The following DNAH8 variants were observed in gnomAD, a reference collection of about 807,000 sequenced individuals.
The protein encoded by DNAH8 is axonemal beta dynein heavy chain 8.
Under a neutral mutation model 562.1 loss-of-function variants are expected in DNAH8, and 382 were observed. The observed-to-expected ratio is 0.68, with a 90% CI of 0.63 to 0.74. The LOEUF (loss-of-function observed/expected upper bound fraction) is 0.74, where lower values mean the gene tolerates loss of function less well. DNAH8 is among the 30% of genes least tolerant of loss of function. The probability of loss-of-function intolerance (pLI) is 0.00; values close to 1 mark genes in which losing one functional copy is unlikely to be tolerated. For synonymous variants in DNAH8, 1,881 were observed against 1,919.4 expected, an observed-to-expected ratio of 0.98 and a Z score of 0.52; for missense variants, 5,203 against 5,620.4, an observed-to-expected ratio of 0.93 and a Z score of 2.37.
intron 37 of DNAH8, among the ~76,000 whole-genome samples, chr6:38,849,659 T>C (rs990534812): frequency 1.3e-4 from 20 of 152,140 alleles, no homozygotes; most frequent in Non-Finnish European, 1.9e-4. Context: ...TTTTTGTTTT[T>C]TAATCAGAAG....
At position 38,986,458 on chromosome 6, in the gene DNAH8, A is replaced by G. The variant is rs903662169; in HGVS notation, c.13053+2151A>G. Reference sequence around the variant, plus strand: ...GATGCCCTCAGAGGGAAAAGGAGACAGTGAATGGATATCAGGGCAGAATGG... The same window carrying G: ...GATGCCCTCAGAGGGAAAAGGAGACGGTGAATGGATATCAGGGCAGAATGG... On this transcript the variant is annotated intron_variant, in intron 87 of 92. Transcript: ENST00000327475. Among the ~76,000 whole-genome samples the G allele has an allele frequency of 5.3e-5, 8 of 152,214 alleles. No individual in the cohort carries two copies. The East Asian group carries it at 1.3e-3, about 26-fold the overall frequency.
chr6:38,859,589 A>T (rs2150405009), intron 42 of DNAH8, among the ~76,000 whole-genome samples: 1 of 152,314 alleles, frequency 6.6e-6, no homozygotes, highest in East Asian at 1.9e-4. Context: ...CTGAATGGGC[A>T]GGACTGGTGT....
At chr6:38,759,994 A>G (rs76574788) in intron 10 of DNAH8, among the ~76,000 whole-genome samples, 4,605 of 152,302 alleles carry the variant, frequency 0.03, 222 homozygotes, top group African/African-American at 0.099. Context: ...TTGCTTTGCA[A>G]GTATCACTGA....
intron 17 of DNAH8, among the ~76,000 whole-genome samples, chr6:38,785,937 G>A (rs1769117506): frequency 6.6e-6 from 1 of 152,212 alleles, no homozygotes; most frequent in South Asian, 2.1e-4. Context: ...GAAGTTTGAT[G>A]TGGCCACATT....
Position 38,780,010 on chromosome 6 carries a change from A to G in DNAH8, c.2084A>G (p.His695Arg), listed in dbSNP as rs766599968. 1.9e-6 allele frequency: 3 copies of G among 1,614,100 alleles called. No homozygotes were observed. The highest frequency in any genetic ancestry group is 2.5e-6 in the Non-Finnish European group (3 of 1,179,988). Residue 695 changes from histidine to arginine, a missense_variant, in exon 15 of 93, where the codon CAC (histidine) becomes CGC (arginine). Transcript: ENST00000327475. ...NIPCLGLEIN[H>R]TIERILQYYV... The stretch of plus-strand genomic sequence containing the variant: ...CCCTGTCTGGGATTAGAAATAAACC[A>G]CACAATAGAGCGTATTCTTCAGTAC...
At chr6:38,947,463 C>T (rs1286645634) in intron 80 of DNAH8, among the ~76,000 whole-genome samples, 1 of 152,236 alleles carries the variant, frequency 6.6e-6, no homozygotes, top group Non-Finnish European at 1.5e-5. Flanking sequence ...TGGAAGTCAT[C>T]TTATCACCTA....
chr6:38,851,495 A>T, intron 38 of DNAH8, 77 bp from the exon 39 acceptor site: 1 of 815,070 alleles, frequency 1.2e-6, no homozygotes, highest in East Asian at 2.6e-5. Flanking sequence ...GATGTTAGTG[A>T]TTATGTCTTG....
At chr6:38,789,972 C>G (rs765186097) in intron 19 of DNAH8, 89 bp downstream of exon 19, 1 of 906,624 alleles carries the variant, frequency 1.1e-6, no homozygotes, top group Non-Finnish European at 1.7e-6. Flanking sequence ...AACATCTATT[C>G]TTCTTTAGAC....
Position 38,951,497 on chromosome 6 carries a change from C to A in DNAH8, c.12428C>A (p.Ala4143Glu), listed in dbSNP as rs1554143678. ...MGSDPTNQIDALAKKLKLECR... is the reference protein window; with the variant it reads ...MGSDPTNQIDELAKKLKLECR... ...TCTGACCCCACCAATCAAATTGATG[C>A]ATTGGCCAAGAAACTGAAACTGGGT... Residue 4143 changes from alanine to glutamate, a missense_variant, in exon 82 of 93, where the codon GCA becomes GAA. Coordinates refer to ENST00000327475, the MANE Select transcript of DNAH8 (RefSeq NM_001206927.2). The A allele has an allele frequency of 3.1e-6, 5 of 1,613,956 alleles. No homozygotes were observed. Among genetic ancestry groups the A allele is most frequent in the Non-Finnish European group, 2.5e-6 (3 of 1,179,910 alleles).
Position 38,794,491 on chromosome 6 carries a change from T to A in DNAH8, c.2901+2817T>A, listed in dbSNP as rs1770049608. Reference sequence around the variant, plus strand: ...CATATGATACACCCTTGTAACTGTCTCCATGATCAAGATATGGAACACTTT... The same window carrying A: ...CATATGATACACCCTTGTAACTGTCACCATGATCAAGATATGGAACACTTT... On this transcript the variant is annotated intron_variant, in intron 21 of 92. Coordinates refer to ENST00000327475, the MANE Select transcript of DNAH8 (RefSeq NM_001206927.2). Among the ~76,000 whole-genome samples, 11 of 152,192 alleles carry A rather than the reference T, an allele frequency of 7.2e-5. No homozygotes were observed. In the South Asian group the frequency reaches 2.3e-3, roughly 32 times the overall value.
intron 9 of DNAH8, among the ~76,000 whole-genome samples, chr6:38,750,936 C>A (rs1252409678): frequency 6.6e-6 from 1 of 151,980 alleles, no homozygotes; most frequent in East Asian, 1.9e-4. Context: ...TATTTTAACC[C>A]ATATTTAAAT....
intron 62 of DNAH8, among the ~76,000 whole-genome samples, chr6:38,905,131 CCA>C (rs1205311623): frequency 5.3e-5 from 8 of 152,278 alleles, no homozygotes; most frequent in African/African-American, 1.7e-4. Context: ...CAGCATCAGG[CCA>C]CTAGATCTTT....
At chr6:38,871,410 A>G (rs1036684005) in intron 49 of DNAH8, among the ~76,000 whole-genome samples, 1 of 152,228 alleles carries the variant, frequency 6.6e-6, no homozygotes, top group Non-Finnish European at 1.5e-5. Context: ...TATGATATGC[A>G]TACAGTATAC....
Position 38,851,572 on chromosome 6 carries a change from G to A in DNAH8, c.5364G>A (p.Gly1788=), listed in dbSNP as rs1775747776. The change falls in exon 39 of 93, where the codon GGG becomes GGA. Residue 1788 remains glycine, a splice_region_variant and synonymous_variant. Coordinates refer to ENST00000327475, the MANE Select transcript of DNAH8 (RefSeq NM_001206927.2). ...QLEVCQKSLT[G]YLEKKRLLFP... is the part of the protein sequence containing the mutation. ...AACATACTGTCGACTTTATTTGAAG[G>A]TATTTGGAGAAGAAACGATTACTGT... 6.3e-7 allele frequency: 1 copy of A among 1,590,932 alleles called. No homozygotes were observed. Among genetic ancestry groups the A allele is most frequent in the African/African-American group, 1.4e-5 (1 of 73,872 alleles).
chr6:38,979,239 TG>T (rs931211367), intron 85 of DNAH8, among the ~76,000 whole-genome samples: 5 of 152,262 alleles, frequency 3.3e-5, no homozygotes, highest in Admixed American at 3.3e-4. Flanking sequence ...TGTGAAATTT[TG>T]ACAGTTAATT....
intron 1 of DNAH8, among the ~76,000 whole-genome samples, chr6:38,721,513 A>AAGAG (rs58302350): frequency 2.6e-3 from 377 of 147,412 alleles, no homozygotes; most frequent in African/African-American, 8.9e-3. Context: ...ACAAAAGAGA[A>AAGAG]AGAGAGAGAG....
At chr6:38,731,754 A>G (rs2127575307) in intron 4 of DNAH8, among the ~76,000 whole-genome samples, 1 of 152,266 alleles carries the variant, frequency 6.6e-6, no homozygotes, top group South Asian at 2.1e-4. Flanking sequence ...TCACTCTGTC[A>G]CCCAGGCTGG....
intron 27 of DNAH8, among the ~76,000 whole-genome samples, chr6:38,823,344 C>A (rs112488114): frequency 2.0e-5 from 3 of 152,132 alleles, no homozygotes; most frequent in Admixed American, 2.0e-4. Context: ...AGCTGTATTT[C>A]GGTTAGAGAC....
chr6:38,875,487 A>G (rs1024837967), intron 52 of DNAH8, 104 bp from the exon 53 acceptor site: 1 of 704,888 alleles, frequency 1.4e-6, no homozygotes, highest in Non-Finnish European at 2.2e-6. Flanking sequence ...AGATATATCT[A>G]TTTTTCTTCT....
Sources: gnomAD v4.1 joint callset for allele counts (sites outside exome capture counted in the v4.1 genomes callset) on GRCh38, gnomAD v4.1.1 for gene constraint, MANE v1.5 for transcripts, NCBI Gene and HGNC (gene_info 2026-07-23, HGNC 2026-07-21) for gene names.